CCT4: variants seen among roughly 807,000 people sequenced by gnomAD.
CCT4 encodes the protein T-complex protein 1 subunit delta.
CCT4 carries 17 observed loss-of-function variants against 62.5 expected under a neutral mutation model. That is an observed-to-expected ratio of 0.27 (90% CI 0.19 to 0.41). The LOEUF (loss-of-function observed/expected upper bound fraction) is 0.41. CCT4 is among the 10% of genes least tolerant of loss of function. The pLI is 1.00. For missense variants in CCT4, 592 were observed against 659.2 expected (o/e 0.90, Z 1.12); for synonymous variants, 250 against 229.9 (o/e 1.09, Z -0.79).
At chr2:61,873,883 TAG>T (rs1387606454) in intron 8 of CCT4, among the ~76,000 whole-genome samples, 1 of 152,014 alleles carries the variant, frequency 6.6e-6, no homozygotes, top group African/African-American at 2.4e-5. Context: ...TTATTTTTAA[TAG>T]AGACAGGGTC....
intron 1 of CCT4, chr2:61,885,568 AC>A: frequency 1.3e-5 from 2 of 151,952 alleles, no homozygotes; most frequent in South Asian, 4.2e-4. Context: ...GTGCCACCAC[AC>A]CCAGCTAATT....
Position 61,879,250 on chromosome 2 carries a change from TTTATAC to T in CCT4, c.380-245_380-240del, listed in dbSNP as rs1299737487. Among the ~76,000 whole-genome samples, 7 of 132,260 alleles carry T rather than the reference TTTATAC, an allele frequency of 5.3e-5. No homozygotes were observed. The East Asian group carries it at 1.5e-3, about 29-fold the overall frequency. The allele number at this position is 132,260 out of a possible 152,430, so 86.8% of individuals were successfully genotyped here. On this transcript the variant is annotated intron_variant, in intron 4 of 13. Coordinates refer to ENST00000394440, the MANE Select transcript of CCT4 (RefSeq NM_006430.4). ...TTAATGGTCTTGACTAAAACCAAAT[TTTATAC>T]TTTTTTTTTTTTTTTTTTTTTCTGA...
At chr2:61,868,997 T>G in intron 13 of CCT4, 1 of 362,938 alleles carries the variant, frequency 2.8e-6, no homozygotes, top group South Asian at 2.7e-5. Flanking sequence ...TAGCTGGGTG[T>G]GGTGGCACAT....
chr2:61,884,238 A>C (rs1669191073), intron 2 of CCT4, among the ~76,000 whole-genome samples: 1 of 152,220 alleles, frequency 6.6e-6, no homozygotes, highest in Non-Finnish European at 1.5e-5. Flanking sequence ...AATATGAATT[A>C]TAGTTTAGTC....
At chr2:61,881,232 T>G (rs1185725762) in intron 3 of CCT4, among the ~76,000 whole-genome samples, 1 of 152,144 alleles carries the variant, frequency 6.6e-6, no homozygotes, top group Non-Finnish European at 1.5e-5. Context: ...ATGTTCCAAA[T>G]AAGATGCTTA....
intron 12 of CCT4, among the ~76,000 whole-genome samples, chr2:61,870,861 G>T (rs907798337): frequency 2.0e-5 from 3 of 152,092 alleles, no homozygotes; most frequent in African/African-American, 7.2e-5. Context: ...GGAGGTTGCA[G>T]TGAGCTGACA....
intron 3 of CCT4, among the ~76,000 whole-genome samples, chr2:61,883,064 C>T (rs1030247678): frequency 6.6e-6 from 1 of 152,154 alleles, no homozygotes; most frequent in African/African-American, 2.4e-5. Flanking sequence ...AAGTGTTCAT[C>T]GTGCTTAAAT....
intron 5 of CCT4, 64 bp from the exon 6 acceptor site, chr2:61,877,578 G>T: frequency 8.0e-7 from 1 of 1,247,442 alleles, no homozygotes. Flanking sequence ...ATTTTTCAAT[G>T]ACAAAGATAC....
intron 2 of CCT4, 78 bp from the exon 3 acceptor site, chr2:61,883,626 G>T (rs1365262567): frequency 1.4e-6 from 1 of 737,008 alleles, no homozygotes; most frequent in Non-Finnish European, 2.2e-6. Flanking sequence ...TCAAAATAGA[G>T]AAGTTAATTT....
At chr2:61,870,607 T>C (rs1451748886) in intron 12 of CCT4, among the ~76,000 whole-genome samples, 1 of 152,114 alleles carries the variant, frequency 6.6e-6, no homozygotes, top group Non-Finnish European at 1.5e-5. Flanking sequence ...AATGTTCATG[T>C]CCTTAGCCTC....
intron 4 of CCT4, among the ~76,000 whole-genome samples, chr2:61,879,835 C>T (rs566706785): frequency 6.6e-6 from 1 of 152,004 alleles, no homozygotes; most frequent in South Asian, 2.1e-4. Flanking sequence ...CTCTACCTCC[C>T]GGGTTCAAGT....
intron 6 of CCT4, 44 bp from the exon 7 acceptor site, chr2:61,877,096 G>T: frequency 6.4e-7 from 1 of 1,558,938 alleles, no homozygotes. Context: ...AGAGGGAGTG[G>T]ACATCTGTAC....
chr2:61,874,481 G>GT (rs891236203), intron 8 of CCT4, among the ~76,000 whole-genome samples: 2 of 151,496 alleles, frequency 1.3e-5, no homozygotes, highest in African/African-American at 4.8e-5. Context: ...GTGGTGGCAC[G>GT]TGACTGTAAT....
At chr2:61,876,035 A>G in intron 8 of CCT4, 60 bp downstream of exon 8, 1 of 1,062,306 alleles carries the variant, frequency 9.4e-7, no homozygotes, top group Non-Finnish European at 1.4e-6. Flanking sequence ...AGAAAAAATA[A>G]ACTGCTAGTG....
chr2:61,878,834 C>A (rs149528389), intron 5 of CCT4, 35 bp downstream of exon 5: 1 of 1,523,356 alleles, frequency 6.6e-7, no homozygotes, highest in South Asian at 1.2e-5. Flanking sequence ...ACACTTTTAA[C>A]TAATTTGACA....
intron 5 of CCT4, 54 bp from the exon 6 acceptor site, chr2:61,877,568 AT>A (rs1392018885): frequency 2.2e-6 from 3 of 1,353,722 alleles, no homozygotes; most frequent in Non-Finnish European, 3.0e-6. Flanking sequence ...AAAAGTCCTA[AT>A]TTTTCAATGA....
chr2:61,873,031 T>C lies in CCT4; in HGVS notation c.1096A>G (p.Asn366Asp), dbSNP rs772243536. 6.2e-7 allele frequency: 1 copy of C among 1,610,294 alleles called. No individual in the cohort carries two copies. The highest frequency in any genetic ancestry group is 1.7e-5 in the Admixed American group (1 of 59,994). ...LGSAELAEEV[N>D]LNGSGKLLKI... is the part of the protein sequence containing the mutation. The stretch of plus-strand genomic sequence containing the variant: ...AGCAGTTTGCCAGAACCATTTAAAT[T>C]GACCTCCTCAGCTAACTCAGCAGAA... Residue 366 changes from asparagine to aspartate, a missense_variant, in exon 10 of 14, where the codon AAT becomes GAT. Asn to Asp is a conservative substitution (Grantham distance 23). Transcript: ENST00000394440.
At chr2:61,878,089 G>A (rs181984906) in intron 5 of CCT4, among the ~76,000 whole-genome samples, 19 of 152,228 alleles carry the variant, frequency 1.2e-4, no homozygotes, top group African/African-American at 3.4e-4. Flanking sequence ...TAACCATTAC[G>A]CTATACTATC....
At chr2:61,873,417 T>C in intron 8 of CCT4, 124 bp from the exon 9 acceptor site, 3 of 593,352 alleles carry the variant, frequency 5.1e-6, no homozygotes, top group Non-Finnish European at 9.0e-6. Context: ...AAAAATGCTT[T>C]AGTTTACTAA....
Sources: gnomAD v4.1 joint callset for allele counts (sites outside exome capture counted in the v4.1 genomes callset) on GRCh38, gnomAD v4.1.1 for gene constraint, MANE v1.5 for transcripts, NCBI Gene and HGNC (gene_info 2026-07-23, HGNC 2026-07-21) for gene names.